PAM: variants seen among roughly 807,000 people sequenced by gnomAD.
PAM encodes peptidyl-glycine alpha-amidating monooxygenase.
In PAM, 72 loss-of-function variants were observed where a neutral mutation model predicts 122.1. The observed-to-expected ratio is 0.59, with a 90% CI of 0.49 to 0.72. The LOEUF (loss-of-function observed/expected upper bound fraction) is 0.72, where lower values mean the gene tolerates loss of function less well. PAM is among the 30% of genes least tolerant of loss of function. The pLI is 0.00. For synonymous variants in PAM, 389 were observed against 404.4 expected, an observed-to-expected ratio of 0.96 and a Z score of 0.46; for missense variants, 1,106 against 1,183.7, an observed-to-expected ratio of 0.93 and a Z score of 0.96.
At chr5:102,808,291 G>T (rs1341636784) in intron 1 of PAM, 1 of 152,158 alleles carries the variant, frequency 6.6e-6, no homozygotes, top group African/African-American at 2.4e-5. Context: ...TCTGTTTCAG[G>T]TTTCTTGCTT....
At chr5:102,954,636 A>G (rs1045688341) in intron 12 of PAM, among the ~76,000 whole-genome samples, 8 of 152,032 alleles carry the variant, frequency 5.3e-5, no homozygotes, top group African/African-American at 1.7e-4. Context: ...TGAAGAAGCA[A>G]TATTTTGTGC....
intron 5 of PAM, among the ~76,000 whole-genome samples, chr5:102,915,138 A>G (rs935040984): frequency 2.4e-4 from 36 of 152,084 alleles, no homozygotes; most frequent in Non-Finnish European, 3.8e-4. Context: ...ACTGTCACAC[A>G]TTTAATAGTC....
rs561760766 is a variant in PAM at position 102,837,989 on chromosome 5, G to A, written c.-373-27834G>A. Among the ~76,000 whole-genome samples the A allele has an allele frequency of 2.7e-3, 412 of 152,174 alleles. 3 individuals carry two copies. Among genetic ancestry groups the A allele is most frequent in the African/African-American group, 9.4e-3 (389 of 41,530 alleles). On this transcript the variant is annotated intron_variant, in intron 1 of 25. Transcript: ENST00000438793. The stretch of plus-strand genomic sequence containing the variant: ...CAAAAGTTTTAAACATCATTTTAAC[G>A]TAACATTTAAAAAGTAATTTACATT...
intron 4 of PAM, 28 bp from the exon 5 acceptor site, chr5:102,913,906 A>G: frequency 8.0e-7 from 1 of 1,253,762 alleles, no homozygotes; most frequent in Non-Finnish European, 1.2e-6. Context: ...ACTTGTATTC[A>G]CATACATGTA....
At chr5:102,974,036 ATTT>A in intron 14 of PAM, 77 bp from the exon 15 acceptor site, 1 of 894,286 alleles carries the variant, frequency 1.1e-6, no homozygotes, top group South Asian at 1.7e-5. Flanking sequence ...ATGAGTAGAT[ATTT>A]TTTAAAGCAC....
At chr5:102,981,879 G>T (rs1022275370) in intron 15 of PAM, among the ~76,000 whole-genome samples, 1 of 152,178 alleles carries the variant, frequency 6.6e-6, no homozygotes. Flanking sequence ...TTATCCATCT[G>T]TTGATTTATC....
At chr5:102,944,370 G>A (rs537736839) in intron 7 of PAM, among the ~76,000 whole-genome samples, 1 of 152,116 alleles carries the variant, frequency 6.6e-6, no homozygotes, top group East Asian at 1.9e-4. Flanking sequence ...ATTTGCCTGT[G>A]TACCTTTGAG....
upstream of PAM, chr5:102,755,266 C>G (rs1431979560): frequency 1.3e-5 from 2 of 152,222 alleles, no homozygotes; most frequent in South Asian, 2.1e-4. Flanking sequence ...CCCAGGGAGC[C>G]GGAGCCTCCA....
chr5:102,899,055 TC>T (rs1796958977), intron 3 of PAM, among the ~76,000 whole-genome samples: 1 of 150,800 alleles, frequency 6.6e-6, no homozygotes, highest in Non-Finnish European at 1.5e-5. Context: ...TTCCTTTCCC[TC>T]CCCTCCACTT....
chr5:102,861,212 C>T (rs898482635), intron 1 of PAM, among the ~76,000 whole-genome samples: 19 of 152,242 alleles, frequency 1.2e-4, no homozygotes, highest in Non-Finnish European at 2.8e-4. Context: ...ATCTAAACTA[C>T]AACCTCATAA....
chr5:102,783,173 T>C (rs1227785370), intron 1 of PAM, among the ~76,000 whole-genome samples: 2 of 150,838 alleles, frequency 1.3e-5, no homozygotes, highest in Admixed American at 6.6e-5. Context: ...CAGGATCAGC[T>C]ACACAGTTTG....
At chr5:102,954,950 AC>A (rs1408743709) in intron 12 of PAM, among the ~76,000 whole-genome samples, 1 of 152,136 alleles carries the variant, frequency 6.6e-6, no homozygotes, top group Non-Finnish European at 1.5e-5. Context: ...TAAATATATT[AC>A]ATGCAAAGAT....
intron 1 of PAM, among the ~76,000 whole-genome samples, chr5:102,782,117 A>G (rs1471596360): frequency 2.0e-5 from 3 of 152,210 alleles, no homozygotes; most frequent in Non-Finnish European, 4.4e-5. Flanking sequence ...GGAGCTCAAC[A>G]TTTGGAGAAT....
At chr5:102,871,750 G>A (rs1787583074) in intron 3 of PAM, among the ~76,000 whole-genome samples, 1 of 145,886 alleles carries the variant, frequency 6.9e-6, no homozygotes, top group African/African-American at 2.5e-5. Context: ...ATATATATAT[G>A]TATATTTGAA....
intron 16 of PAM, among the ~76,000 whole-genome samples, chr5:103,000,391 T>C (rs932850960): frequency 2.6e-5 from 4 of 152,202 alleles, no homozygotes; most frequent in Non-Finnish European, 5.9e-5. Flanking sequence ...TCAAAGCCAT[T>C]CAACAAGGCT....
chr5:102,818,318 AG>A (rs1259333556), intron 1 of PAM, among the ~76,000 whole-genome samples: 3 of 152,162 alleles, frequency 2.0e-5, no homozygotes, highest in African/African-American at 7.2e-5. Flanking sequence ...AAGTTAGCGT[AG>A]TAAATAACCT....
At chr5:102,831,379 T>A (rs1252906924) in intron 1 of PAM, among the ~76,000 whole-genome samples, 1 of 152,168 alleles carries the variant, frequency 6.6e-6, no homozygotes, top group Non-Finnish European at 1.5e-5. Flanking sequence ...AAGAGAAATG[T>A]AGCTTCATAT....
chr5:102,883,374 C>A (rs1442086184), intron 3 of PAM, among the ~76,000 whole-genome samples: 1 of 151,972 alleles, frequency 6.6e-6, no homozygotes, highest in Non-Finnish European at 1.5e-5. Flanking sequence ...TTGTTTGTGT[C>A]ACCTATGATT....
In PAM at chr5:102,866,262, A is replaced by G. The variant is rs747290879; in HGVS notation, c.67A>G (p.Ser23Gly). The change falls in exon 2 of 26, where the codon AGC becomes GGC. Residue 23 changes from serine (S) to glycine (G), a missense_variant. Around this residue, in one of 3 missense-constraint regions of PAM, gnomAD observed 670 missense variants for 690.3 expected, o/e 0.97. Transcript: ENST00000438793. ...TCCAAGCAGCTGTTTGGCTTTCCGA[A>G]GCCCACTTTCTGTCTTTAAGAGGTG... The part of the protein sequence containing the change: ...VFPSSCLAFR[S>G]PLSVFKRFKE... 1.2e-6 allele frequency: 2 copies of G among 1,612,640 alleles called. No homozygotes were observed. The highest frequency in any genetic ancestry group is 2.2e-5 in the South Asian group (2 of 91,044).
Sources: gnomAD v4.1 joint callset for allele counts (sites outside exome capture counted in the v4.1 genomes callset) on GRCh38, gnomAD v4.1.1 for gene constraint, gnomAD v4.1.1 regional missense constraint, MANE v1.5 for transcripts, NCBI Gene and HGNC (gene_info 2026-07-23, HGNC 2026-07-21) for gene names.